Variants in RBMS3 observed in about 807,000 individuals in gnomAD.
RBMS3 encodes the protein RNA-binding motif, single-stranded-interacting protein 3.
Under a neutral mutation model 66.8 loss-of-function variants are expected in RBMS3, and 27 were observed. The observed-to-expected ratio is 0.40, with a 90% CI of 0.30 to 0.56. RBMS3 has a LOEUF of 0.56. Among genes scored for constraint, RBMS3 ranks in the 20% least tolerant of loss-of-function variants. The probability of loss-of-function intolerance (pLI) is 0.40; values close to 1 mark genes in which losing one functional copy is unlikely to be tolerated. For missense variants in RBMS3, 513 were observed against 549.5 expected, an observed-to-expected ratio of 0.93 and a Z score of 0.66; for synonymous variants, 188 against 183.0, an observed-to-expected ratio of 1.03 and a Z score of -0.22.
chr3:29,958,299 T>C (rs141330839), intron 12 of RBMS3, among the ~76,000 whole-genome samples: 1 of 152,326 alleles, frequency 6.6e-6, no homozygotes, highest in African/African-American at 2.4e-5. Flanking sequence ...AATTAATCTT[T>C]TGAAAGCCTT....
Position 29,923,156 on chromosome 3 carries a change from G to A in RBMS3, c.940-12930G>A, listed in dbSNP as rs552935085. Among the ~76,000 whole-genome samples, 12 of 152,250 alleles carry A rather than the reference G, an allele frequency of 7.9e-5. No individual in the cohort carries two copies. The East Asian group carries it at 1.2e-3, about 15-fold the overall frequency. ...GCTTGTTTAGAGGCAGCCTACCTCC[G>A]CCCTGAACATGTTTTCAAGGAAGTG... On this transcript the variant is annotated intron_variant, in intron 10 of 14. Transcript: ENST00000383767.
chr3:29,415,600 C>T (rs2040446544), intron 1 of RBMS3, among the ~76,000 whole-genome samples: 1 of 152,064 alleles, frequency 6.6e-6, no homozygotes, highest in African/African-American at 2.4e-5. Context: ...GATTAGAGTA[C>T]TTGGAGCTTG....
chr3:29,402,512 G>A lies in RBMS3; in HGVS notation c.76-32231G>A, dbSNP rs184567241. ...AAAATGTGAGTAAAATTATCTAGTAGTTATGAAATGTACTTTGACTTCCTT... is the reference window on the plus strand; with the variant it reads ...AAAATGTGAGTAAAATTATCTAGTAATTATGAAATGTACTTTGACTTCCTT... On this transcript the variant is annotated intron_variant, in intron 1 of 14. Transcript: ENST00000383767. Among the ~76,000 whole-genome samples, 14 of 152,162 alleles carry A rather than the reference G, an allele frequency of 9.2e-5. No individual in the cohort carries two copies. In the East Asian group the frequency reaches 2.5e-3, roughly 27 times the overall value.
At position 29,419,878 on chromosome 3, in the gene RBMS3, C is replaced by G. The variant is rs2040630643; in HGVS notation, c.76-14865C>G. Reference sequence around the variant, plus strand: ...AATTTAAGGAATACTTACACCACTACCAACATGATTTTAAGAAGGCAGTTT... The same window carrying G: ...AATTTAAGGAATACTTACACCACTAGCAACATGATTTTAAGAAGGCAGTTT... On this transcript the variant is annotated intron_variant, in intron 1 of 14. Transcript: ENST00000383767. 1.3e-5 allele frequency among the ~76,000 whole-genome samples: 2 copies of G among 152,128 alleles called. 1 individual carries two copies. Among genetic ancestry groups the G allele is most frequent in the South Asian group, 4.1e-4 (2 of 4,824 alleles).
At chr3:29,318,524 A>T (rs2034825324) in intron 1 of RBMS3, among the ~76,000 whole-genome samples, 1 of 151,880 alleles carries the variant, frequency 6.6e-6, no homozygotes, top group Non-Finnish European at 1.5e-5. Context: ...AACTCATCAA[A>T]CACAAGAGGT....
chr3:29,753,273 T>C (rs1472784854), intron 5 of RBMS3, among the ~76,000 whole-genome samples: 1 of 152,152 alleles, frequency 6.6e-6, no homozygotes, highest in Non-Finnish European at 1.5e-5. Flanking sequence ...CGATCCCACT[T>C]TTACATTGAA....
intron 1 of RBMS3, among the ~76,000 whole-genome samples, chr3:29,308,809 A>G (rs1389386178): frequency 6.6e-6 from 1 of 151,260 alleles, no homozygotes; most frequent in Non-Finnish European, 1.5e-5. Flanking sequence ...TCAAAAAAAA[A>G]AAAAAAGAAG....
intron 8 of RBMS3, among the ~76,000 whole-genome samples, chr3:29,890,788 G>T (rs1163344276): frequency 6.6e-6 from 1 of 151,572 alleles, no homozygotes; most frequent in Non-Finnish European, 1.5e-5. Context: ...AAAGCATGAT[G>T]GTGATTCTCT....
intron 1 of RBMS3, among the ~76,000 whole-genome samples, chr3:29,389,334 A>G (rs2039173389): frequency 6.6e-6 from 1 of 152,188 alleles, no homozygotes. Flanking sequence ...TTAATGAGGA[A>G]AAAATGGGGA....
intron 6 of RBMS3, among the ~76,000 whole-genome samples, chr3:29,794,401 A>G (rs1251795727): frequency 6.6e-6 from 1 of 152,098 alleles, no homozygotes; most frequent in Non-Finnish European, 1.5e-5. Flanking sequence ...CCTGGCTAAC[A>G]TGGTGAAACC....
At chr3:29,594,983 C>T (rs1283431487) in intron 4 of RBMS3, among the ~76,000 whole-genome samples, 1 of 152,152 alleles carries the variant, frequency 6.6e-6, no homozygotes, top group Non-Finnish European at 1.5e-5. Context: ...GCTTTCCTAG[C>T]ATTGGACAAA....
intron 1 of RBMS3, among the ~76,000 whole-genome samples, chr3:29,299,808 T>A (rs2033547586): frequency 6.6e-6 from 1 of 151,816 alleles, no homozygotes; most frequent in Non-Finnish European, 1.5e-5. Context: ...GTTCCTGGAA[T>A]CAATCCCCCA....
intron 4 of RBMS3, among the ~76,000 whole-genome samples, chr3:29,708,837 A>G (rs2053027255): frequency 1.3e-5 from 2 of 152,142 alleles, no homozygotes; most frequent in Middle Eastern, 3.2e-3. Flanking sequence ...TCAGTGAAGA[A>G]CTTGTTGTCT....
At chr3:29,400,734 G>A (rs1445496910) in intron 1 of RBMS3, among the ~76,000 whole-genome samples, 1 of 152,012 alleles carries the variant, frequency 6.6e-6, no homozygotes, top group Non-Finnish European at 1.5e-5. Context: ...CAGGTTGAAA[G>A]GATCATATTT....
At chr3:29,555,760 C>G (rs531133594) in intron 3 of RBMS3, among the ~76,000 whole-genome samples, 2 of 152,290 alleles carry the variant, frequency 1.3e-5, no homozygotes, top group South Asian at 4.1e-4. Flanking sequence ...GGGTTGCCCT[C>G]AACTTTGTTC....
intron 1 of RBMS3, among the ~76,000 whole-genome samples, chr3:29,404,445 A>G (rs1307420748): frequency 6.6e-6 from 1 of 152,134 alleles, no homozygotes; most frequent in East Asian, 1.9e-4. Context: ...TTATAGGTAC[A>G]GCTTACTATC....
At chr3:29,936,900 G>A (rs1409398993) in intron 11 of RBMS3, among the ~76,000 whole-genome samples, 1 of 151,906 alleles carries the variant, frequency 6.6e-6, no homozygotes, top group East Asian at 1.9e-4. Context: ...TGTTCAAGGA[G>A]GCAAAAGCCT....
At chr3:29,880,046 T>C (rs1340818997) in intron 7 of RBMS3, among the ~76,000 whole-genome samples, 2 of 152,184 alleles carry the variant, frequency 1.3e-5, no homozygotes, top group Admixed American at 6.6e-5. Flanking sequence ...AATGAATTTA[T>C]TAAAAATAAA....
chr3:29,922,441 T>G (rs1323450653), intron 10 of RBMS3, among the ~76,000 whole-genome samples: 1 of 141,956 alleles, frequency 7.0e-6, no homozygotes, highest in African/African-American at 2.6e-5. Context: ...GAGCCGAGAT[T>G]GCGCCACTGC....
Sources: allele counts gnomAD v4.1 joint callset (sites outside exome capture counted in the v4.1 genomes callset), GRCh38; gene constraint gnomAD v4.1.1; transcripts MANE v1.5; gene names NCBI Gene and HGNC (gene_info 2026-07-23, HGNC 2026-07-21).